The following RNPS1 variants were observed in gnomAD, a reference collection of about 807,000 sequenced individuals.
The protein encoded by RNPS1 is RNA-binding protein with serine-rich domain 1.
For missense variants in RNPS1, 300 were observed against 427.6 expected (o/e 0.70, Z 2.63); for synonymous variants, 147 against 150.0 (o/e 0.98, Z 0.15).
chr16:2,261,718 C>T (rs929216619), intron 6 of RNPS1, among the ~76,000 whole-genome samples: 3 of 152,226 alleles, frequency 2.0e-5, no homozygotes, highest in South Asian at 4.1e-4. Context: ...CATAAAATAA[C>T]GAAGAATACG....
At chr16:2,254,438 C>T (rs997312407) in intron 7 of RNPS1, among the ~76,000 whole-genome samples, 2 of 152,104 alleles carry the variant, frequency 1.3e-5, no homozygotes, top group African/African-American at 4.8e-5. Flanking sequence ...GGACTACAGG[C>T]ACACGCCACC....
At chr16:2,267,929 G>T in intron 1 of RNPS1, 126 bp downstream of exon 1, 1 of 1,528,070 alleles carries the variant, frequency 6.5e-7, no homozygotes, top group Non-Finnish European at 8.7e-7. Flanking sequence ...CTCGGAGCCC[G>T]CACCGCGCTG....
chr16:2,253,843 G>A lies in RNPS1; in HGVS notation c.*121C>T. The A allele has an allele frequency of 1.1e-6, 1 of 896,262 alleles. No homozygotes were observed. Among genetic ancestry groups the A allele is most frequent in the South Asian group, 1.4e-5 (1 of 71,032 alleles). 55.5% of individuals were successfully genotyped at this position (896,262 alleles called of 1,614,324 possible). ...GGCTGGCAGAGGGGTGCTGCCTGCT[G>A]CCTGCAAATCCTGCCAGAGTCAAGG... On this transcript the variant is annotated 3_prime_UTR_variant, in exon 8 of 8. Coordinates refer to ENST00000320225, the MANE Select transcript of RNPS1 (RefSeq NM_080594.4).
At chr16:2,267,777 T>C in intron 1 of RNPS1, 1 of 1,366,748 alleles carries the variant, frequency 7.3e-7, no homozygotes, top group South Asian at 1.7e-5. Context: ...CGCTCCCCGC[T>C]GGTCTGAGTC....
Position 2,255,735 on chromosome 16 carries a change from A to G in RNPS1, c.677-9T>C. ...CTGGCCATCAATTTGTCCTGTTGAA[A>G]AAGACAGCAAGTCATAAAATATCTA... On this transcript the variant is annotated splice_polypyrimidine_tract_variant and intron_variant, in intron 6 of 7. Coordinates refer to ENST00000320225, the MANE Select transcript of RNPS1 (RefSeq NM_080594.4). The G allele has an allele frequency of 6.2e-7, 1 of 1,613,506 alleles. No homozygotes were observed. Among genetic ancestry groups the G allele is most frequent in the Non-Finnish European group, 8.5e-7 (1 of 1,179,862 alleles).
chr16:2,267,711 T>A (rs1331451688), intron 1 of RNPS1: 1 of 1,235,066 alleles, frequency 8.1e-7, no homozygotes, highest in Admixed American at 4.7e-5. Context: ...GGGCAGGGCC[T>A]GGCGTTGGGG....
chr16:2,260,124 CTATT>C (rs1405807985), intron 6 of RNPS1, among the ~76,000 whole-genome samples: 2 of 140,930 alleles, frequency 1.4e-5, no homozygotes, highest in Admixed American at 7.1e-5. Context: ...AATTTGGAAA[CTATT>C]TGTGTGTGTG....
intron 1 of RNPS1, chr16:2,267,371 T>TTC: frequency 1.0e-6 from 1 of 984,116 alleles, no homozygotes. Flanking sequence ...ACAAAAAGCC[T>TTC]ACTCCACGTT....
At chr16:2,267,131 T>A (rs1413195399) in intron 1 of RNPS1, 3 of 938,698 alleles carry the variant, frequency 3.2e-6, no homozygotes, top group Non-Finnish European at 3.8e-6. Flanking sequence ...CCTTGCTGGG[T>A]GCGGTCGAGT....
At position 2,262,313 on chromosome 16, in the gene RNPS1, T is replaced by C. The variant is rs751037590; in HGVS notation, c.641A>G (p.Asp214Gly). 1 of 1,613,766 alleles carries C rather than the reference T, an allele frequency of 6.2e-7. No individual in the cohort carries two copies. Among genetic ancestry groups the C allele is most frequent in the Non-Finnish European group, 8.5e-7 (1 of 1,180,026 alleles). The change falls in exon 6 of 8, where the codon GAT becomes GGT. Residue 214 changes from aspartate to glycine, a missense_variant. Coordinates refer to ENST00000320225, the MANE Select transcript of RNPS1 (RefSeq NM_080594.4). ...GYAYVEFENPDEAEKALKHMD... is the reference protein window; with the variant it reads ...GYAYVEFENPGEAEKALKHMD... ...GTGCTTCAGCGCCTTCTCGGCTTCATCTGGATTCTCAAACTCTACGTACGC... is the reference window on the plus strand; with the variant it reads ...GTGCTTCAGCGCCTTCTCGGCTTCACCTGGATTCTCAAACTCTACGTACGC...
intron 3 of RNPS1, 118 bp downstream of exon 3, chr16:2,264,058 C>T (rs2093614637): frequency 1.6e-6 from 2 of 1,271,842 alleles, no homozygotes; most frequent in South Asian, 1.3e-5. Flanking sequence ...AGGGTCTCTA[C>T]TAACAATCAG....
At position 2,253,193 on chromosome 16, in the gene RNPS1, C is replaced by T. The variant is rs1313496765; in HGVS notation, c.*771G>A. ...CAACAAAGTACAAACACAATGTCAT[C>T]TAAAATGCTACAAAGGTATAAAACT... On this transcript the variant is annotated 3_prime_UTR_variant, in exon 8 of 8. Transcript: ENST00000320225. 2.0e-5 allele frequency: 3 copies of T among 152,524 alleles called. No homozygotes were observed. The highest frequency in any genetic ancestry group is 4.4e-5 in the Non-Finnish European group (3 of 68,052). 9.4% of individuals were successfully genotyped at this position (152,524 alleles called of 1,614,324 possible).
At position 2,253,396 on chromosome 16, in the gene RNPS1, G is replaced by A. The variant is rs2093560379; in HGVS notation, c.*568C>T. The A allele has an allele frequency of 6.3e-6, 1 of 157,694 alleles. No homozygotes were observed. The highest frequency in any genetic ancestry group is 1.9e-4 in the East Asian group (1 of 5,222). 9.8% of individuals were successfully genotyped at this position (157,694 alleles called of 1,614,324 possible). A position where few individuals can be genotyped will look rare whatever the true frequency, so the allele number is the denominator to read the frequency against. On this transcript the variant is annotated 3_prime_UTR_variant, in exon 8 of 8. Coordinates refer to ENST00000320225, the MANE Select transcript of RNPS1 (RefSeq NM_080594.4). ...ACTCACTCGCCAATTTCAGAGTACA[G>A]TGGTGGGGTGCGGTGTGTGCATCGG...
At position 2,255,590 on chromosome 16, in the gene RNPS1, C is replaced by T. The variant is rs766497020; in HGVS notation, c.813G>A (p.Arg271=). The T allele has an allele frequency of 5.1e-6, 8 of 1,580,224 alleles. No individual in the cohort carries two copies. The highest frequency in any genetic ancestry group is 6.9e-6 in the Non-Finnish European group (8 of 1,165,722). The change falls in exon 7 of 8, where the codon AGG becomes AGA. Residue 271 remains arginine (R), a synonymous_variant. Transcript: ENST00000320225. ...PMWRRSPPRM[R]RRSRSPRRRS... ...TGAAACTACAAATTGTTTACCTTCT[C>T]CTCATCCGTGGGGGAGACCTGCGCC... is the stretch of plus-strand genomic sequence containing the variant.
At chr16:2,259,321 T>G (rs1367956298) in intron 6 of RNPS1, among the ~76,000 whole-genome samples, 1 of 152,184 alleles carries the variant, frequency 6.6e-6, no homozygotes, top group Non-Finnish European at 1.5e-5. Context: ...ACAATTGCAA[T>G]ATATCCTAGT....
chr16:2,266,682 C>A, intron 1 of RNPS1: 1 of 985,428 alleles, frequency 1.0e-6, no homozygotes, highest in African/African-American at 1.7e-5. Context: ...CTGCACCCAC[C>A]CGCCTTCGAA....
chr16:2,266,119 G>C, intron 1 of RNPS1: 1 of 985,414 alleles, frequency 1.0e-6, no homozygotes, highest in Non-Finnish European at 1.2e-6. Context: ...CCTTCTCCAA[G>C]AGCCAGTTGG....
In RNPS1 at chr16:2,253,635, A is replaced by G. The variant is rs1247264859; in HGVS notation, c.*329T>C. 2 of 460,534 alleles carry G rather than the reference A, an allele frequency of 4.3e-6. No homozygotes were observed. Among genetic ancestry groups the G allele is most frequent in the Non-Finnish European group, 7.9e-6 (2 of 251,774 alleles). 28.5% of individuals were successfully genotyped at this position (460,534 alleles called of 1,614,324 possible). On this transcript the variant is annotated 3_prime_UTR_variant, in exon 8 of 8. Coordinates refer to ENST00000320225, the MANE Select transcript of RNPS1 (RefSeq NM_080594.4). ...ACCATCCCAGGTCATCGGGGAAGGG[A>G]AAAGTGTGCTCCCAGGTAAGCAGGG...
At chr16:2,262,527 TA>T in intron 5 of RNPS1, 96 bp from the exon 6 acceptor site, 1 of 1,331,936 alleles carries the variant, frequency 7.5e-7, no homozygotes, top group Non-Finnish European at 1.1e-6. Flanking sequence ...CTCGGCAGGG[TA>T]AAACATTCCA....
Sources: allele counts gnomAD v4.1 joint callset (sites outside exome capture counted in the v4.1 genomes callset), GRCh38; gene constraint gnomAD v4.1.1; transcripts MANE v1.5; gene names NCBI Gene and HGNC (gene_info 2026-07-23, HGNC 2026-07-21).